Variants in TRIM71 observed in about 807,000 individuals in gnomAD.
The protein encoded by TRIM71 is tripartite motif containing 71.
A neutral mutation model predicts 61.2 loss-of-function variants in TRIM71; 9 were observed. That is an observed-to-expected ratio of 0.15 (90% CI 0.09 to 0.26). The LOEUF (loss-of-function observed/expected upper bound fraction) is 0.26. Among genes scored for constraint, TRIM71 ranks in the 10% least tolerant of loss-of-function variants. TRIM71 has a pLI of 1.00. For synonymous variants in TRIM71, 645 were observed against 553.2 expected (o/e 1.17, Z -2.33); for missense variants, 998 against 1,238.7 (o/e 0.81, Z 2.92).
intron 1 of TRIM71, among the ~76,000 whole-genome samples, chr3:32,822,592 TTC>T (rs1243645868): frequency 3.3e-4 from 51 of 152,376 alleles, no homozygotes; most frequent in African/African-American, 1.1e-3. Flanking sequence ...GTGTATATTA[TTC>T]TCTGTTCCCA....
intron 2 of TRIM71, among the ~76,000 whole-genome samples, chr3:32,883,056 T>TC (rs1696926665): frequency 6.6e-6 from 1 of 152,214 alleles, no homozygotes; most frequent in Admixed American, 6.5e-5. Flanking sequence ...CCAGCAGTTC[T>TC]CCCATACCTG....
chr3:32,873,060 T>TCCCTCCCTCCCTCCCTCC (rs1559548193), intron 1 of TRIM71, among the ~76,000 whole-genome samples: 16 of 96,154 alleles, frequency 1.7e-4, no homozygotes, highest in African/African-American at 5.7e-4. Context: ...CCCTTCTCTC[T>TCCCTCCCTCCCTCCCTCC]CTTCCTCCCT....
chr3:32,877,732 A>G (rs1048687010), intron 2 of TRIM71, among the ~76,000 whole-genome samples: 3 of 152,170 alleles, frequency 2.0e-5, no homozygotes, highest in Non-Finnish European at 4.4e-5. Context: ...ATTCAGTCAC[A>G]TCTTCAAGCT....
chr3:32,837,851 T>C (rs1214622979), intron 1 of TRIM71, among the ~76,000 whole-genome samples: 1 of 152,136 alleles, frequency 6.6e-6, no homozygotes, highest in Non-Finnish European at 1.5e-5. Flanking sequence ...CTATGGCATT[T>C]AGCTTCTGAG....
intron 1 of TRIM71, among the ~76,000 whole-genome samples, chr3:32,867,965 A>AT (rs1479323156): frequency 6.6e-6 from 1 of 150,902 alleles, no homozygotes; most frequent in African/African-American, 2.4e-5. Flanking sequence ...ATTGCCTGAG[A>AT]TTCCTTCAAT....
At chr3:32,851,666 AT>A (rs1272687085) in intron 1 of TRIM71, among the ~76,000 whole-genome samples, 2 of 151,948 alleles carry the variant, frequency 1.3e-5, no homozygotes, top group African/African-American at 4.8e-5. Flanking sequence ...TTTAGTAGAG[AT>A]GGGGCTTCAC....
At chr3:32,833,096 A>ACCC (rs1289839072) in intron 1 of TRIM71, among the ~76,000 whole-genome samples, 1 of 145,268 alleles carries the variant, frequency 6.9e-6, no homozygotes, top group Non-Finnish European at 1.5e-5. Flanking sequence ...AATCACTGGA[A>ACCC]CCCGGGAGGT....
At chr3:32,868,506 G>A (rs1274005898) in intron 1 of TRIM71, among the ~76,000 whole-genome samples, 1 of 152,082 alleles carries the variant, frequency 6.6e-6, no homozygotes, top group African/African-American at 2.4e-5. Flanking sequence ...CATTCATATA[G>A]CAACATACCA....
At position 32,818,629 on chromosome 3, in the gene TRIM71, C is replaced by A; in HGVS notation, c.549C>A (p.Gly183=). 6.9e-7 allele frequency: 1 copy of A among 1,458,088 alleles called. No individual in the cohort carries two copies. The highest frequency in any genetic ancestry group is 2.7e-5 in the Admixed American group (1 of 37,534). The allele number at this position is 1,458,088 out of a possible 1,614,324, so 90.3% of individuals were successfully genotyped here. The part of the protein sequence containing the change: ...PPAPSRSAPG[G]PAASPSALLL... ...CGCCTTCCCGCTCGGCACCCGGCGGCCCTGCCGCTTCCCCGTCGGCGCTGC... is the reference window on the plus strand; with the variant it reads ...CGCCTTCCCGCTCGGCACCCGGCGGACCTGCCGCTTCCCCGTCGGCGCTGC... The change falls in exon 1 of 4, where the codon GGC becomes GGA. Residue 183 remains glycine (G), a synonymous_variant. Transcript: ENST00000383763.
intron 1 of TRIM71, among the ~76,000 whole-genome samples, chr3:32,856,054 G>C (rs541816115): frequency 6.6e-6 from 1 of 152,246 alleles, no homozygotes; most frequent in Non-Finnish European, 1.5e-5. Context: ...GTCTCGCTCT[G>C]TCACTCAGGC....
intron 1 of TRIM71, among the ~76,000 whole-genome samples, chr3:32,826,582 C>CTTTTTTTT (rs71068090): frequency 0.016 from 1,352 of 83,040 alleles, 115 homozygotes; most frequent in Middle Eastern, 0.031. Context: ...CAGGTGAGTT[C>CTTTTTTTT]TTTTTTTTTT....
intron 1 of TRIM71, among the ~76,000 whole-genome samples, chr3:32,826,716 G>A (rs1313407745): frequency 6.9e-6 from 1 of 144,958 alleles, no homozygotes; most frequent in Non-Finnish European, 1.5e-5. Context: ...AAAGTGCTGG[G>A]ATTACAGGTG....
chr3:32,819,815 A>T (rs1386814020), intron 1 of TRIM71, among the ~76,000 whole-genome samples: 1 of 152,238 alleles, frequency 6.6e-6, no homozygotes. Flanking sequence ...CACCCGGCTC[A>T]ACCAGGGTCT....
intron 1 of TRIM71, among the ~76,000 whole-genome samples, chr3:32,849,516 G>A (rs1696514977): frequency 2.0e-5 from 3 of 152,152 alleles, no homozygotes; most frequent in East Asian, 1.9e-4. Context: ...GCACCACCAC[G>A]TCCAGCTAAT....
chr3:32,828,709 A>C (rs1157558873), intron 1 of TRIM71, among the ~76,000 whole-genome samples: 1 of 152,082 alleles, frequency 6.6e-6, no homozygotes, highest in Non-Finnish European at 1.5e-5. Flanking sequence ...CATGTTGCCC[A>C]GGCTTGTGTC....
chr3:32,874,090 T>C (rs2125689005), intron 2 of TRIM71, 105 bp downstream of exon 2: 3 of 1,258,364 alleles, frequency 2.4e-6, no homozygotes, highest in African/African-American at 1.5e-5. Flanking sequence ...GGGGGTGGAA[T>C]AGTGACCCAA....
At chr3:32,861,226 A>C (rs1696665257) in intron 1 of TRIM71, among the ~76,000 whole-genome samples, 1 of 150,644 alleles carries the variant, frequency 6.6e-6, no homozygotes, top group East Asian at 2.1e-4. Flanking sequence ...TGCCCAGGCC[A>C]GAGTGCAGTG....
At chr3:32,888,002 A>G (rs1696979621) in intron 3 of TRIM71, among the ~76,000 whole-genome samples, 1 of 152,196 alleles carries the variant, frequency 6.6e-6, no homozygotes. Flanking sequence ...CTGTTTGGAT[A>G]AGTTCATTCG....
At chr3:32,838,034 T>A (rs972570678) in intron 1 of TRIM71, among the ~76,000 whole-genome samples, 1 of 152,164 alleles carries the variant, frequency 6.6e-6, no homozygotes, top group Non-Finnish European at 1.5e-5. Context: ...ACACTTTTCA[T>A]TGAGCATCTG....
Sources: allele counts gnomAD v4.1 joint callset (sites outside exome capture counted in the v4.1 genomes callset), GRCh38; gene constraint gnomAD v4.1.1; transcripts MANE v1.5; gene names NCBI Gene and HGNC (gene_info 2026-07-23, HGNC 2026-07-21).